Variants in OR51B5 observed in about 807,000 individuals in gnomAD.
OR51B5 encodes olfactory receptor family 51 subfamily B member 5, also known as olfactory receptor 51B5.
For synonymous variants in OR51B5, 186 were observed against 144.8 expected, an observed-to-expected ratio of 1.28 and a Z score of -2.04; for missense variants, 456 against 374.6, an observed-to-expected ratio of 1.22 and a Z score of -1.79.
At chr11:5,353,925 G>A (rs74772552) in intron 1 of OR51B5, among the ~76,000 whole-genome samples, 10,691 of 152,060 alleles carry the variant, frequency 0.07, 442 homozygotes, top group African/African-American at 0.099. Flanking sequence ...ATCTTTATCT[G>A]ATTAGACCAA....
At chr11:5,385,591 T>C (rs1849676407) in intron 1 of OR51B5, 1 of 152,052 alleles carries the variant, frequency 6.6e-6, no homozygotes, top group Non-Finnish European at 1.5e-5. Flanking sequence ...ACTTAAAAAA[T>C]GAATTATTAG....
intron 1 of OR51B5, among the ~76,000 whole-genome samples, chr11:5,359,339 T>C (rs11036987): frequency 0.039 from 5,736 of 147,224 alleles, 385 homozygotes; most frequent in African/African-American, 0.13. Context: ...AGCATTCTTA[T>C]ACACCAATAA....
At chr11:5,414,316 C>T (rs1411741513) in intron 1 of OR51B5, among the ~76,000 whole-genome samples, 1 of 146,362 alleles carries the variant, frequency 6.8e-6, no homozygotes. Flanking sequence ...CGGTACCAGC[C>T]ACTGCAAAAT....
chr11:5,429,295 A>G (rs1850497224), intron 1 of OR51B5, among the ~76,000 whole-genome samples: 1 of 152,072 alleles, frequency 6.6e-6, no homozygotes, highest in South Asian at 2.1e-4. Context: ...TAAATTCTTC[A>G]CCGCAATACC....
At chr11:5,388,592 C>T (rs1468743391) in intron 1 of OR51B5, among the ~76,000 whole-genome samples, 1 of 147,566 alleles carries the variant, frequency 6.8e-6, no homozygotes, top group African/African-American at 2.5e-5. Flanking sequence ...TCATTAACAC[C>T]GTGAATATAC....
At chr11:5,388,727 T>A (rs1849741778) in intron 1 of OR51B5, among the ~76,000 whole-genome samples, 1 of 152,044 alleles carries the variant, frequency 6.6e-6, no homozygotes, top group South Asian at 2.1e-4. Context: ...TCTCTCTTGC[T>A]ATATAGTAGT....
chr11:5,375,665 T>A (rs1564791934), intron 1 of OR51B5, among the ~76,000 whole-genome samples: 1 of 152,012 alleles, frequency 6.6e-6, no homozygotes, highest in Non-Finnish European at 1.5e-5. Flanking sequence ...GCAATCCTAG[T>A]CTCTGATAAA....
chr11:5,443,852 G>T (rs1231238307), intron 1 of OR51B5, among the ~76,000 whole-genome samples: 2 of 151,306 alleles, frequency 1.3e-5, no homozygotes, highest in African/African-American at 4.8e-5. Context: ...GCAATGCACA[G>T]AATATCATGA....
At chr11:5,399,059 T>C (rs1849926759) in intron 1 of OR51B5, among the ~76,000 whole-genome samples, 1 of 152,224 alleles carries the variant, frequency 6.6e-6, no homozygotes, top group African/African-American at 2.4e-5. Context: ...CTTGAACCTG[T>C]CTGGCAGAAG....
chr11:5,361,233 A>G (rs74765078), intron 1 of OR51B5, among the ~76,000 whole-genome samples: 548 of 152,190 alleles, frequency 3.6e-3, no homozygotes, highest in Middle Eastern at 0.01. Flanking sequence ...AATAAATCTT[A>G]TTTCTGGAGA....
At chr11:5,491,048 T>C (rs1294786728) in intron 1 of OR51B5, among the ~76,000 whole-genome samples, 1 of 152,272 alleles carries the variant, frequency 6.6e-6, no homozygotes, top group Non-Finnish European at 1.5e-5. Context: ...ACATAATTAA[T>C]AAGCACTCAA....
rs752331475 is a variant in OR51B5, at chr11:5,351,980, T to C, written n.85-5070A>G. The C allele has an allele frequency of 2.5e-6, 4 of 1,613,316 alleles. No individual in the cohort carries two copies. In the African/African-American group the frequency reaches 5.3e-5, roughly 22 times the overall value. On this transcript the variant is annotated intron_variant and non_coding_transcript_variant, in intron 1 of 4. Coordinates refer to the OR51B5 transcript ENST00000415970. ...GCTGGTCTGTCCATTATGCCAATAG[T>C]TGTTCGCCTACACTGGTTTCCCTAC...
chr11:5,405,750 A>G (rs570174568), intron 1 of OR51B5, among the ~76,000 whole-genome samples: 1 of 152,350 alleles, frequency 6.6e-6, no homozygotes, highest in South Asian at 2.1e-4. Context: ...AGAAGTCTTA[A>G]TTTCTTGCAC....
At chr11:5,372,088 T>C (rs1849456048) in intron 1 of OR51B5, among the ~76,000 whole-genome samples, 1 of 152,138 alleles carries the variant, frequency 6.6e-6, no homozygotes, top group East Asian at 1.9e-4. Context: ...CTGAATAATA[T>C]TGTGATATCA....
intron 1 of OR51B5, among the ~76,000 whole-genome samples, chr11:5,415,618 C>G (rs1315835895): frequency 6.6e-6 from 1 of 152,182 alleles, no homozygotes; most frequent in Non-Finnish European, 1.5e-5. Context: ...CACAGAAATA[C>G]AAACCACCAT....
chr11:5,452,607 G>A (rs1373382278), intron 1 of OR51B5, among the ~76,000 whole-genome samples: 1 of 129,554 alleles, frequency 7.7e-6, no homozygotes, highest in Non-Finnish European at 1.7e-5. Context: ...ATGGAGATAT[G>A]GAGAGAGTAT....
chr11:5,439,009 G>A (rs1850633341), intron 1 of OR51B5, among the ~76,000 whole-genome samples: 1 of 152,132 alleles, frequency 6.6e-6, no homozygotes, highest in Non-Finnish European at 1.5e-5. Flanking sequence ...TCCTGATCAG[G>A]AGACTTGTGT....
intron 1 of OR51B5, among the ~76,000 whole-genome samples, chr11:5,457,592 A>G (rs12286464): frequency 0.12 from 18,613 of 152,206 alleles, 1,479 homozygotes; most frequent in Admixed American, 0.18. Context: ...CCAACAGAGT[A>G]TAAGTGTTCC....
chr11:5,382,323 T>C (rs1387301956), intron 1 of OR51B5, among the ~76,000 whole-genome samples: 1 of 152,212 alleles, frequency 6.6e-6, no homozygotes, highest in Non-Finnish European at 1.5e-5. Flanking sequence ...CTATCTGTGG[T>C]TGATTCTTAA....
Sources: allele counts gnomAD v4.1 joint callset (sites outside exome capture counted in the v4.1 genomes callset), GRCh38; gene constraint gnomAD v4.1.1; transcripts MANE v1.5; gene names NCBI Gene and HGNC (gene_info 2026-07-23, HGNC 2026-07-21).